LRTM2: variants seen among roughly 807,000 people sequenced by gnomAD.
The protein encoded by LRTM2 is leucine-rich repeat and transmembrane domain-containing protein 2.
Under a neutral mutation model 28.1 loss-of-function variants are expected in LRTM2, and 18 were observed. The ratio of observed to expected loss-of-function variants is 0.64; its 90% CI spans 0.44 to 0.95. The LOEUF is 0.95. LRTM2 is among the 40% of genes least tolerant of loss of function. The probability of loss-of-function intolerance (pLI) is 0.00; values close to 1 mark genes in which losing one functional copy is unlikely to be tolerated. For synonymous variants in LRTM2, 250 were observed against 218.7 expected (o/e 1.14, Z -1.26); for missense variants, 436 against 497.2 (o/e 0.88, Z 1.17).
At chr12:1,826,304 C>T (rs545787233) in intron 1 of LRTM2, among the ~76,000 whole-genome samples, 1 of 151,854 alleles carries the variant, frequency 6.6e-6, no homozygotes, top group African/African-American at 2.4e-5. Flanking sequence ...CTCCACCAAG[C>T]AGGTATTGCG....
chr12:1,824,950 G>A (rs759741006), intron 1 of LRTM2, among the ~76,000 whole-genome samples: 17 of 152,224 alleles, frequency 1.1e-4, no homozygotes, highest in Non-Finnish European at 2.2e-4. Context: ...GAAGCCCAAG[G>A]GACCCAGGGA....
Position 1,834,284 on chromosome 12 carries a change from C to A in LRTM2, c.676C>A (p.Leu226Ile). Residue 226 changes from leucine to isoleucine, a missense_variant, in exon 5 of 5, where the codon CTT (leucine) becomes ATT (isoleucine). Leu to Ile is a conservative substitution (Grantham distance 5). Transcript: ENST00000299194. The surrounding 1 kb of genome is among the most constrained non-coding windows in gnomAD (Gnocchi z 7.6). ...FSYRGGRLDQLACTLPKELRG... is the reference protein window; with the variant it reads ...FSYRGGRLDQIACTLPKELRG... ...GCATGTAGGGGGACGCTTGGACCAG[C>A]TTGCCTGCACCCTGCCCAAGGAGCT... 1 of 1,582,016 alleles carries A rather than the reference C, an allele frequency of 6.3e-7. No individual in the cohort carries two copies.
At position 1,829,121 on chromosome 12, in the gene LRTM2, T is replaced by C. The variant is rs1428292829; in HGVS notation, c.67+906T>C. Among the ~76,000 whole-genome samples, 1 of 152,136 alleles carries C rather than the reference T, an allele frequency of 6.6e-6. No individual in the cohort carries two copies. Among genetic ancestry groups the C allele is most frequent in the African/African-American group, 2.4e-5 (1 of 41,418 alleles). On this transcript the variant is annotated intron_variant, in intron 3 of 4. Transcript: ENST00000299194. This position sits in a 1 kb window ranked among gnomAD's most constrained non-coding sequence, Gnocchi z 4.2. ...CAACACCTCGCAATACGGGCTTATG[T>C]TTTCTTGTCACTGGAGCTTTTATGC...
rs762389802 is a variant in LRTM2, at chr12:1,835,983, G to T, written c.*1262G>T. 4 of 152,318 alleles carry T rather than the reference G, an allele frequency of 2.6e-5. No homozygotes were observed. Among genetic ancestry groups the T allele is most frequent in the Non-Finnish European group, 5.9e-5 (4 of 68,118 alleles). The allele number at this position is 152,318 out of a possible 1,614,324, so 9.4% of individuals were successfully genotyped here. A position where few individuals can be genotyped will look rare whatever the true frequency, so the allele number is the denominator to read the frequency against. On this transcript the variant is annotated 3_prime_UTR_variant, in exon 5 of 5. Coordinates refer to ENST00000299194, the MANE Select transcript of LRTM2 (RefSeq NM_001039029.3). ...AAAGCAGGTGGCAGGCAGAGAACAC[G>T]GTGGCTCCCCTGAGGCTCATTGCCT...
rs1186331431 is a variant in LRTM2, at chr12:1,829,517, A to G, written c.67+1302A>G. Among the ~76,000 whole-genome samples the G allele has an allele frequency of 6.6e-6, 1 of 152,040 alleles. No individual in the cohort carries two copies. The highest frequency in any genetic ancestry group is 2.1e-4 in the South Asian group (1 of 4,822). ...ACAGTGAGGCTTGCTGTTAGGCTGC[A>G]GGGAGGCCTGGGCCAGATCTAGCCA... On this transcript the variant is annotated intron_variant, in intron 3 of 4. Transcript: ENST00000299194. The surrounding 1 kb of genome is among the most constrained non-coding windows in gnomAD (Gnocchi z 4.2).
intron 2 of LRTM2, 117 bp from the exon 3 acceptor site, chr12:1,827,959 G>A (rs1864421413): frequency 1.2e-5 from 5 of 422,782 alleles, no homozygotes; most frequent in South Asian, 1.7e-4. Flanking sequence ...AATCATAACT[G>A]AGAGGAACAG....
rs368763707 is a variant in LRTM2 at position 1,833,677 on chromosome 12, C to T, written c.659-590C>T. On this transcript the variant is annotated intron_variant, in intron 4 of 4. Coordinates refer to ENST00000299194, the MANE Select transcript of LRTM2 (RefSeq NM_001039029.3). This position sits in a 1 kb window ranked among gnomAD's most constrained non-coding sequence, Gnocchi z 4.2. ...TCCTGCCCAACTCTTTTCCTCTTTA[C>T]GCCAGGAAGGGAGCTGCCCATTCTT... 1.4e-4 allele frequency among the ~76,000 whole-genome samples: 22 copies of T among 152,156 alleles called. No individual in the cohort carries two copies. Among genetic ancestry groups the T allele is most frequent in the African/African-American group, 4.8e-4 (20 of 41,436 alleles).
At chr12:1,823,869 T>C (rs900411270) in intron 1 of LRTM2, among the ~76,000 whole-genome samples, 1 of 152,222 alleles carries the variant, frequency 6.6e-6, no homozygotes, top group Admixed American at 6.5e-5. Flanking sequence ...AAAGGCGGCA[T>C]CTTCCTTTCC....
In LRTM2 at chr12:1,831,411, C is replaced by A. The variant is rs139602525; in HGVS notation, c.544C>A (p.Leu182Met). 393 of 1,614,054 alleles carry A rather than the reference C, an allele frequency of 2.4e-4. No homozygotes were observed. Among genetic ancestry groups the A allele is most frequent in the Non-Finnish European group, 3.1e-4 (371 of 1,180,052 alleles). Residue 182 changes from leucine (L) to methionine (M), a missense_variant, in exon 4 of 5, where the codon CTG (leucine) becomes ATG (methionine). Leu to Met is a conservative substitution (Grantham distance 15). Coordinates refer to ENST00000299194, the MANE Select transcript of LRTM2 (RefSeq NM_001039029.3). ...RSNRLQNLDRLTFEPLANLQL... is the reference protein window; with the variant it reads ...RSNRLQNLDRMTFEPLANLQL... ...CAACCGTCTGCAGAATCTGGACCGG[C>A]TGACATTTGAACCCCTAGCAAACCT...
intron 1 of LRTM2, among the ~76,000 whole-genome samples, chr12:1,825,854 T>C (rs190968289): frequency 2.0e-5 from 3 of 152,228 alleles, no homozygotes; most frequent in Admixed American, 1.3e-4. Context: ...GGACTTACCA[T>C]GTGACCTTGG....
chr12:1,832,319 C>G (rs972751552), intron 4 of LRTM2, among the ~76,000 whole-genome samples: 4 of 152,196 alleles, frequency 2.6e-5, no homozygotes, highest in Non-Finnish European at 5.9e-5. Flanking sequence ...GAAACAATAT[C>G]TATTTCGTAG....
chr12:1,827,898 C>T (rs1021352116), intron 2 of LRTM2, 178 bp from the exon 3 acceptor site: 1 of 402,692 alleles, frequency 2.5e-6, no homozygotes, highest in South Asian at 9.6e-5. Context: ...GCCCCGCCCC[C>T]ATCCCAGGGG....
chr12:1,828,023 G>T lies in LRTM2; in HGVS notation c.-73-53G>T. 12 of 796,396 alleles carry T rather than the reference G, an allele frequency of 1.5e-5. No homozygotes were observed. Among genetic ancestry groups the T allele is most frequent in the Non-Finnish European group, 2.2e-5 (12 of 541,054 alleles). 49.3% of individuals were successfully genotyped at this position (796,396 alleles called of 1,614,324 possible). ...CCCGGGCCCTCTCCCTAACCCCTGG[G>T]CTGGAACGGGGCTCCCGCGCCTGCC... On this transcript the variant is annotated intron_variant, in intron 2 of 4. Transcript: ENST00000299194. This position sits in a 1 kb window ranked among gnomAD's most constrained non-coding sequence, Gnocchi z 4.2.
Position 1,828,732 on chromosome 12 carries a change from C to T in LRTM2, c.67+517C>T, listed in dbSNP as rs1358850129. Among the ~76,000 whole-genome samples the T allele has an allele frequency of 6.6e-6, 1 of 152,192 alleles. No individual in the cohort carries two copies. The highest frequency in any genetic ancestry group is 1.5e-5 in the Non-Finnish European group (1 of 68,034). ...CTCTCGGTAGAGGACCTAGTGGGCT[C>T]GTGGGATGCGGCGCTGGAAGAGACT... On this transcript the variant is annotated intron_variant, in intron 3 of 4. Coordinates refer to ENST00000299194, the MANE Select transcript of LRTM2 (RefSeq NM_001039029.3). The surrounding 1 kb of genome is among the most constrained non-coding windows in gnomAD (Gnocchi z 4.2).
At position 1,834,415 on chromosome 12, in the gene LRTM2, C is replaced by T. The variant is rs1864761610; in HGVS notation, c.807C>T (p.Cys269=). The T allele has an allele frequency of 1.9e-6, 3 of 1,612,880 alleles. No homozygotes were observed. Among genetic ancestry groups the T allele is most frequent in the Non-Finnish European group, 1.7e-6 (2 of 1,180,020 alleles). The stretch of plus-strand genomic sequence containing the variant: ...GGCTGGATATTCCTGGGCCACCCTG[C>T]ACCAAGGCCAGTCCAGAGCCTGCTA... ...SAGLDIPGPP[C]TKASPEPAKP... The change falls in exon 5 of 5, where the codon TGC becomes TGT. Residue 269 remains cysteine (C), a synonymous_variant. Coordinates refer to ENST00000299194, the MANE Select transcript of LRTM2 (RefSeq NM_001039029.3). This position sits in a 1 kb window ranked among gnomAD's most constrained non-coding sequence, Gnocchi z 7.6.
intron 3 of LRTM2, among the ~76,000 whole-genome samples, chr12:1,830,033 C>T (rs915077257): frequency 1.3e-5 from 2 of 152,192 alleles, no homozygotes; most frequent in African/African-American, 2.4e-5. Context: ...ACCCCATGCT[C>T]GCTACGCAGA....
At position 1,833,210 on chromosome 12, in the gene LRTM2, G is replaced by A. The variant is rs1864706732; in HGVS notation, c.659-1057G>A. Among the ~76,000 whole-genome samples the A allele has an allele frequency of 6.6e-6, 1 of 152,236 alleles. No individual in the cohort carries two copies. On this transcript the variant is annotated intron_variant, in intron 4 of 4. Transcript: ENST00000299194. This position sits in a 1 kb window ranked among gnomAD's most constrained non-coding sequence, Gnocchi z 4.2. ...ATCGGCATCCCAGGGAAAGATTGAT[G>A]CCTATTGTATGAGGAGACTTGCGGC...
rs1864476377 is a variant in LRTM2 at position 1,828,678 on chromosome 12, T to C, written c.67+463T>C. Among the ~76,000 whole-genome samples, 1 of 152,172 alleles carries C rather than the reference T, an allele frequency of 6.6e-6. No individual in the cohort carries two copies. The highest frequency in any genetic ancestry group is 6.5e-5 in the Admixed American group (1 of 15,278). ...AGCTGGGTCAGCTTGGAGATGTCTCTTATGCTCCTTATGCCTCCGCTTTCC... is the reference window on the plus strand; with the variant it reads ...AGCTGGGTCAGCTTGGAGATGTCTCCTATGCTCCTTATGCCTCCGCTTTCC... On this transcript the variant is annotated intron_variant, in intron 3 of 4. Transcript: ENST00000299194. The surrounding 1 kb of genome is among the most constrained non-coding windows in gnomAD (Gnocchi z 4.2).
In LRTM2 at chr12:1,828,211, C is replaced by T. The variant is rs1238615530; in HGVS notation, c.63C>T (p.Val21=). 6.5e-7 allele frequency: 1 copy of T among 1,545,752 alleles called. No homozygotes were observed. Among genetic ancestry groups the T allele is most frequent in the Non-Finnish European group, 8.7e-7 (1 of 1,144,858 alleles). ...GGCTCGCCCTGCAGTGGAGGCAAGTCTCCTGTGAGTACACCCCTGGCCTCG... is the reference window on the plus strand; with the variant it reads ...GGCTCGCCCTGCAGTGGAGGCAAGTTTCCTGTGAGTACACCCCTGGCCTCG... ...RGRLALQWRQ[V]SWITCWIALY... Residue 21 remains valine, a synonymous_variant, in exon 3 of 5, where the codon GTC becomes GTT. Transcript: ENST00000299194. The surrounding 1 kb of genome is among the most constrained non-coding windows in gnomAD (Gnocchi z 4.2).
Sources: gnomAD v4.1 joint callset for allele counts (sites outside exome capture counted in the v4.1 genomes callset) on GRCh38, gnomAD v4.1.1 for gene constraint, Gnocchi (gnomAD v3.1) non-coding constraint, MANE v1.5 for transcripts, NCBI Gene and HGNC (gene_info 2026-07-23, HGNC 2026-07-21) for gene names.